Variants in SLC24A2 observed in about 807,000 individuals in gnomAD.
The protein encoded by SLC24A2 is sodium/potassium/calcium exchanger 2.
Under a neutral mutation model 62.0 loss-of-function variants are expected in SLC24A2, and 36 were observed. The observed-to-expected ratio is 0.58, with a 90% CI of 0.44 to 0.77. The LOEUF is 0.77. Among genes scored for constraint, SLC24A2 ranks in the 30% least tolerant of loss-of-function variants. The pLI, the probability that SLC24A2 is intolerant of heterozygous loss-of-function variation, is 0.00. For synonymous variants in SLC24A2, 358 were observed against 294.0 expected, an observed-to-expected ratio of 1.22 and a Z score of -2.23; for missense variants, 846 against 817.9, an observed-to-expected ratio of 1.03 and a Z score of -0.42.
At chr9:19,820,966 A>C in the SLC24A2 span, among the ~76,000 whole-genome samples, 1 of 152,104 alleles carries the variant, frequency 6.6e-6, no homozygotes, top group Non-Finnish European at 1.5e-5. Flanking sequence ...TGAATAACCA[A>C]ATTTTTTTCT....
the SLC24A2 span, among the ~76,000 whole-genome samples, chr9:20,241,776 C>T: frequency 8.6e-5 from 13 of 151,924 alleles, no homozygotes; most frequent in Non-Finnish European, 1.9e-4. Context: ...GGGGTGCAAG[C>T]CAAACCTGGG....
At chr9:20,245,729 GAAA>G in the SLC24A2 span, among the ~76,000 whole-genome samples, 2 of 152,220 alleles carry the variant, frequency 1.3e-5, no homozygotes, top group African/African-American at 4.8e-5. Flanking sequence ...GATCTGGAGA[GAAA>G]AAGTAGATGG....
chr9:20,110,603 C>A, the SLC24A2 span, among the ~76,000 whole-genome samples: 26 of 152,072 alleles, frequency 1.7e-4, no homozygotes, highest in South Asian at 5.2e-3. Flanking sequence ...TCTATGCCAC[C>A]CAGAGTCAGT....
At chr9:20,103,206 G>C in the SLC24A2 span, among the ~76,000 whole-genome samples, 2 of 152,224 alleles carry the variant, frequency 1.3e-5, no homozygotes, top group Non-Finnish European at 2.9e-5. Flanking sequence ...AGCTCAAACT[G>C]GGTGGAGCCC....
chr9:20,065,474 G>A, the SLC24A2 span, among the ~76,000 whole-genome samples: 1 of 152,186 alleles, frequency 6.6e-6, no homozygotes, highest in Non-Finnish European at 1.5e-5. Context: ...GAAAGGGGAG[G>A]TGACCCTCAC....
chr9:19,708,341 T>C (rs1820599573), intron 2 of SLC24A2, among the ~76,000 whole-genome samples: 1 of 152,026 alleles, frequency 6.6e-6, no homozygotes, highest in African/African-American at 2.4e-5. Context: ...CAAGGTAATT[T>C]ATAGATTCAA....
chr9:20,039,906 C>T, the SLC24A2 span, among the ~76,000 whole-genome samples: 3 of 152,204 alleles, frequency 2.0e-5, no homozygotes, highest in Non-Finnish European at 4.4e-5. Context: ...TCCATTCACT[C>T]AGCTTAGGCA....
chr9:19,584,273 T>TAAAAAAAAAAAAAAAAACAAAAA (rs1836294385), intron 5 of SLC24A2, among the ~76,000 whole-genome samples: 2 of 119,940 alleles, frequency 1.7e-5, no homozygotes, highest in African/African-American at 6.3e-5. Flanking sequence ...TAGCAAATAG[T>TAAAAAAAAAAAAAAAAACAAAAA]AAAAAAAAAA....
At chr9:19,755,981 C>T (rs1218320777) in intron 2 of SLC24A2, among the ~76,000 whole-genome samples, 1 of 152,096 alleles carries the variant, frequency 6.6e-6, no homozygotes, top group East Asian at 1.9e-4. Flanking sequence ...ATAAGTCCAC[C>T]TAGGAGAGAC....
chr9:20,013,580 AG>A, the SLC24A2 span, among the ~76,000 whole-genome samples: 2 of 152,242 alleles, frequency 1.3e-5, no homozygotes, highest in African/African-American at 4.8e-5. Flanking sequence ...CAAACTAAAA[AG>A]CTTTTGCACA....
rs577128016 is a variant in SLC24A2 at position 19,660,524 on chromosome 9, C to G, written c.931-38225G>C. On this transcript the variant is annotated intron_variant, in intron 2 of 10. Coordinates refer to ENST00000341998, the MANE Select transcript of SLC24A2 (RefSeq NM_020344.4). ...GCAAGAAAGGGAAAATTGGGAAGGA[C>G]TGCTGTCATTTTGAGGAGGGGGACA... Among the ~76,000 whole-genome samples the G allele has an allele frequency of 1.1e-4, 16 of 152,190 alleles. No homozygotes were observed. In the South Asian group the frequency reaches 3.1e-3, roughly 30 times the overall value.
intron 8 of SLC24A2, among the ~76,000 whole-genome samples, chr9:19,538,275 T>C (rs1405758071): frequency 7.0e-5 from 10 of 143,104 alleles, no homozygotes; most frequent in Middle Eastern, 3.4e-3. Context: ...CATCCCTGTC[T>C]TGTGCCAGTT....
the SLC24A2 span, among the ~76,000 whole-genome samples, chr9:20,247,037 CAT>C: frequency 6.6e-6 from 1 of 152,200 alleles, no homozygotes; most frequent in Admixed American, 6.5e-5. Context: ...AGAAAAATAA[CAT>C]GTGAGACCAC....
chr9:19,948,862 AAAAAT>A, the SLC24A2 span, among the ~76,000 whole-genome samples: 1 of 143,658 alleles, frequency 7.0e-6, no homozygotes, highest in Non-Finnish European at 1.5e-5. Flanking sequence ...AAAAAAAAAA[AAAAAT>A]GAAAACAGAG....
intron 7 of SLC24A2, among the ~76,000 whole-genome samples, chr9:19,559,362 G>A (rs1318115869): frequency 6.6e-6 from 1 of 152,032 alleles, no homozygotes. Flanking sequence ...TATTCTCTCA[G>A]GCAATGTGAA....
intron 8 of SLC24A2, among the ~76,000 whole-genome samples, chr9:19,529,951 C>T (rs540430386): frequency 6.6e-6 from 1 of 151,996 alleles, no homozygotes; most frequent in East Asian, 1.9e-4. Context: ...CAGGGTTTCA[C>T]CATGTTGGCC....
rs144645033 is a variant in SLC24A2, at chr9:19,516,264, C to T, written c.1875G>A (p.Lys625=). ...AGCCCAGGATTTTGTTCATTCGCCACTTGCAGAGGGCGATAGAGAGGATGA... is the reference window on the plus strand; with the variant it reads ...AGCCCAGGATTTTGTTCATTCGCCATTTGCAGAGGGCGATAGAGAGGATGA... The part of the protein sequence containing the change: ...LFVILSIALC[K]WRMNKILGFI... Residue 625 remains lysine, a synonymous_variant, in exon 11 of 11, where the codon AAG becomes AAA. Transcript: ENST00000341998. 5.5e-4 allele frequency: 895 copies of T among 1,614,038 alleles called. 4 individuals carry two copies. The highest frequency in any genetic ancestry group is 6.4e-4 in the Non-Finnish European group (755 of 1,180,026).
chr9:19,720,996 AC>A (rs1407320091), intron 2 of SLC24A2, among the ~76,000 whole-genome samples: 1 of 152,060 alleles, frequency 6.6e-6, no homozygotes, highest in African/African-American at 2.4e-5. Context: ...CTGTTTAGGT[AC>A]CAGCAATTCT....
At chr9:20,275,840 G>A in the SLC24A2 span, among the ~76,000 whole-genome samples, 1 of 152,276 alleles carries the variant, frequency 6.6e-6, no homozygotes, top group African/African-American at 2.4e-5. Flanking sequence ...ATCTTACATG[G>A]TGGCAGGGAA....
Sources: allele counts gnomAD v4.1 joint callset (sites outside exome capture counted in the v4.1 genomes callset), GRCh38; gene constraint gnomAD v4.1.1; transcripts MANE v1.5; gene names NCBI Gene and HGNC (gene_info 2026-07-23, HGNC 2026-07-21).